Variants in PIEZO2 observed in about 807,000 individuals in gnomAD.
PIEZO2 encodes the protein piezo type mechanosensitive ion channel component 2.
Under a neutral mutation model 337.3 loss-of-function variants are expected in PIEZO2, and 172 were observed. The observed-to-expected ratio is 0.51, with a 90% confidence interval of 0.45 to 0.58. The LOEUF is 0.58. Ranked by LOEUF, PIEZO2 falls within the 20% of genes least tolerant of loss-of-function variation. PIEZO2 has a pLI of 0.00. For synonymous variants in PIEZO2, 1,251 were observed against 1,228.5 expected (o/e 1.02, Z -0.38); for missense variants, 3,028 against 3,391.3 (o/e 0.89, Z 2.66).
intron 4 of PIEZO2, 148 bp downstream of exon 4, chr18:10,911,038 G>C (rs1213404166): frequency 5.0e-6 from 2 of 398,996 alleles, no homozygotes; most frequent in East Asian, 7.7e-5. Flanking sequence ...ACTGAGGCTC[G>C]GAGGGGCAAA....
intron 14 of PIEZO2, 41 bp from the exon 15 acceptor site, chr18:10,789,406 C>G: frequency 6.7e-7 from 1 of 1,501,732 alleles, no homozygotes; most frequent in Non-Finnish European, 8.8e-7. Context: ...AGCTGGTTAT[C>G]TGTGCAGACC....
chr18:10,802,062 G>T (rs1422095445), intron 9 of PIEZO2, among the ~76,000 whole-genome samples: 1 of 144,904 alleles, frequency 6.9e-6, no homozygotes, highest in East Asian at 2.0e-4. Context: ...CTCCAGCCTG[G>T]GCGACAGAGC....
intron 3 of PIEZO2, among the ~76,000 whole-genome samples, chr18:10,912,523 G>C (rs1028418584): frequency 4.6e-5 from 7 of 152,176 alleles, no homozygotes; most frequent in Non-Finnish European, 8.8e-5. Context: ...AGGAAACGGT[G>C]GGTTCAGCAC....
rs557351453 is a variant in PIEZO2, at chr18:10,737,280, C to T, written c.4709-570G>A. ...AAGGGACAAAACATACATGGCAAGACATTTGAAAAAAAAAAAACAAAAAAA... is the reference window on the plus strand; with the variant it reads ...AAGGGACAAAACATACATGGCAAGATATTTGAAAAAAAAAAAACAAAAAAA... On this transcript the variant is annotated intron_variant, in intron 33 of 55. Transcript: ENST00000674853. Among the ~76,000 whole-genome samples, 87 of 70,974 alleles carry T rather than the reference C, an allele frequency of 1.2e-3. 1 individual carries two copies. The highest frequency in any genetic ancestry group is 0.01 in the African/African-American group (87 of 8,678). 46.6% of individuals were successfully genotyped at this position (70,974 alleles called of 152,430 possible).
Position 11,045,411 on chromosome 18 carries a change from T to C in PIEZO2, c.160+20716A>G, listed in dbSNP as rs181168244. Among the ~76,000 whole-genome samples, 5 of 152,038 alleles carry C rather than the reference T, an allele frequency of 3.3e-5. 1 individual carries two copies. The highest frequency in any genetic ancestry group is 9.6e-5 in the African/African-American group (4 of 41,452). On this transcript the variant is annotated intron_variant, in intron 2 of 55. Transcript: ENST00000674853. ...TATTCAAGCCTGAACAAAGCCAATG[T>C]AACACATGTATTTTCTCCGTGAGAC...
Position 10,815,696 on chromosome 18 carries a change from C to G in PIEZO2, c.918-8422G>C, listed in dbSNP as rs987213300. 1.3e-5 allele frequency among the ~76,000 whole-genome samples: 2 copies of G among 152,166 alleles called. No individual in the cohort carries two copies. The highest frequency in any genetic ancestry group is 2.9e-5 in the Non-Finnish European group (2 of 68,032). Reference sequence around the variant, plus strand: ...CGTACCTAGATAATATTTGGGAGTGCTCTCACTCAGGAACAAGAGAAGAAG... The same window carrying G: ...CGTACCTAGATAATATTTGGGAGTGGTCTCACTCAGGAACAAGAGAAGAAG... On this transcript the variant is annotated intron_variant, in intron 7 of 55. Transcript: ENST00000674853. This position sits in a 1 kb window ranked among gnomAD's most constrained non-coding sequence, Gnocchi z 4.1.
intron 2 of PIEZO2, among the ~76,000 whole-genome samples, chr18:11,014,921 C>T (rs181511220): frequency 5.5e-4 from 73 of 132,322 alleles, no homozygotes; most frequent in Admixed American, 1.1e-3. Flanking sequence ...GGTGGGACAG[C>T]GATCCGGGGC....
chr18:10,832,638 A>T (rs1216264061), intron 7 of PIEZO2, among the ~76,000 whole-genome samples: 1 of 152,196 alleles, frequency 6.6e-6, no homozygotes, highest in Non-Finnish European at 1.5e-5. Context: ...TACTTGTTTA[A>T]TGACTGAACA....
intron 45 of PIEZO2, among the ~76,000 whole-genome samples, 154 bp from the exon 46 acceptor site, chr18:10,696,693 G>T (rs2035105069): frequency 6.6e-6 from 1 of 152,204 alleles, no homozygotes; most frequent in African/African-American, 2.4e-5. Context: ...TCCCGCTGTG[G>T]ACAGCTCCTG....
intron 1 of PIEZO2, among the ~76,000 whole-genome samples, chr18:11,137,818 C>T (rs1488628427): frequency 6.6e-6 from 1 of 152,184 alleles, no homozygotes; most frequent in Admixed American, 6.5e-5. Context: ...CAAACTGCTG[C>T]CCTAGAGGGT....
At chr18:10,689,266 T>C (rs568079959) in intron 49 of PIEZO2, among the ~76,000 whole-genome samples, 1 of 152,298 alleles carries the variant, frequency 6.6e-6, no homozygotes, top group Non-Finnish European at 1.5e-5. Flanking sequence ...AGAGGTTAAA[T>C]TGTCCATCCC....
At position 11,131,560 on chromosome 18, in the gene PIEZO2, T is replaced by C. The variant is rs2040340497; in HGVS notation, c.64+16965A>G. Among the ~76,000 whole-genome samples, 1 of 152,196 alleles carries C rather than the reference T, an allele frequency of 6.6e-6. No homozygotes were observed. Among genetic ancestry groups the C allele is most frequent in the African/African-American group, 2.4e-5 (1 of 41,444 alleles). On this transcript the variant is annotated intron_variant, in intron 1 of 55. Coordinates refer to ENST00000674853, the MANE Select transcript of PIEZO2 (RefSeq NM_001378183.1). This position sits in a 1 kb window ranked among gnomAD's most constrained non-coding sequence, Gnocchi z 5.3. Reference sequence around the variant, plus strand: ...GAAGGACAGCGGTGAAGGGAAATCTTCCCAGTGGGCAGAACTTCGAGCCAT... The same window carrying C: ...GAAGGACAGCGGTGAAGGGAAATCTCCCCAGTGGGCAGAACTTCGAGCCAT...
At chr18:10,757,874 C>A (rs1447560695) in intron 27 of PIEZO2, 95 bp downstream of exon 27, 11 of 1,266,382 alleles carry the variant, frequency 8.7e-6, no homozygotes, top group Non-Finnish European at 9.6e-6. Context: ...TTCAGCAGAT[C>A]TGTTTCCCAA....
In PIEZO2 at chr18:10,697,199, A is replaced by T. The variant is rs117838286; in HGVS notation, c.6827+549T>A. Among the ~76,000 whole-genome samples, 361 of 152,208 alleles carry T rather than the reference A, an allele frequency of 2.4e-3. 2 individuals carry two copies. The highest frequency in any genetic ancestry group is 0.017 in the East Asian group (89 of 5,170). Reference sequence around the variant, plus strand: ...TTGCTCTGGGACCTGCCTTCAGTTCAACGCCACGTTCAGGTGCCACTGGCT... The same window carrying T: ...TTGCTCTGGGACCTGCCTTCAGTTCTACGCCACGTTCAGGTGCCACTGGCT... On this transcript the variant is annotated intron_variant, in intron 45 of 55. Coordinates refer to ENST00000674853, the MANE Select transcript of PIEZO2 (RefSeq NM_001378183.1).
At chr18:10,705,794 C>A (rs1360409739) in intron 40 of PIEZO2, 48 bp from the exon 41 acceptor site, 2 of 1,460,718 alleles carry the variant, frequency 1.4e-6, no homozygotes, top group African/African-American at 2.8e-5. Context: ...AGCATCCACA[C>A]TCCTGGGGTT....
At chr18:10,725,490 T>G in intron 36 of PIEZO2, 2 of 1,492,044 alleles carry the variant, frequency 1.3e-6, no homozygotes, top group Non-Finnish European at 1.8e-6. Flanking sequence ...GGTGGATGGG[T>G]AGGCATGAAA....
At chr18:10,683,146 C>T (rs926460961) in intron 49 of PIEZO2, among the ~76,000 whole-genome samples, 2 of 152,254 alleles carry the variant, frequency 1.3e-5, no homozygotes, top group Admixed American at 6.5e-5. Context: ...CCCCACTCCC[C>T]GACTTGGCAA....
rs577890654 is a variant in PIEZO2, at chr18:10,713,659, G to C, written c.5423+1105C>G. Among the ~76,000 whole-genome samples, 6 of 152,236 alleles carry C rather than the reference G, an allele frequency of 3.9e-5. No homozygotes were observed. The highest frequency in any genetic ancestry group is 1.3e-4 in the Admixed American group (2 of 15,286). On this transcript the variant is annotated intron_variant, in intron 39 of 55. Coordinates refer to ENST00000674853, the MANE Select transcript of PIEZO2 (RefSeq NM_001378183.1). The surrounding 1 kb of genome is among the most constrained non-coding windows in gnomAD (Gnocchi z 4.5). ...TCTTCCTAGGCTCAAACCATTTAGG[G>C]GATTACTCTTATCTTTATATGCCTC...
rs955827546 is a variant in PIEZO2 at position 11,003,258 on chromosome 18, G to GT, written c.161-23599dup. Among the ~76,000 whole-genome samples, 1 of 151,774 alleles carries GT rather than the reference G, an allele frequency of 6.6e-6. No individual in the cohort carries two copies. Among genetic ancestry groups the GT allele is most frequent in the African/African-American group, 2.4e-5 (1 of 41,124 alleles). On this transcript the variant is annotated intron_variant, in intron 2 of 55. Transcript: ENST00000674853. This position sits in a 1 kb window ranked among gnomAD's most constrained non-coding sequence, Gnocchi z 4.6. ...TAGGATGTGTTTTCTTTTGTTGTTT[G>GT]TTTGTTTTGTTTTGTTTTGTTTTGC...
Sources: allele counts gnomAD v4.1 joint callset (sites outside exome capture counted in the v4.1 genomes callset), GRCh38; gene constraint gnomAD v4.1.1; non-coding constraint Gnocchi (gnomAD v3.1); transcripts MANE v1.5; gene names NCBI Gene and HGNC (gene_info 2026-07-23, HGNC 2026-07-21).